The following MTHFD1L variants were observed in gnomAD, a reference collection of about 807,000 sequenced individuals.
The protein encoded by MTHFD1L is methylenetetrahydrofolate dehydrogenase (NADP+ dependent) 1 like.
In MTHFD1L, 81 loss-of-function variants were observed where a neutral mutation model predicts 119.5. The observed-to-expected ratio is 0.68, with a 90% CI of 0.57 to 0.82. The LOEUF (loss-of-function observed/expected upper bound fraction) is 0.82. Ranked by LOEUF, MTHFD1L falls within the 40% of genes least tolerant of loss-of-function variation. The pLI, the probability that MTHFD1L is intolerant of heterozygous loss-of-function variation, is 0.00. For synonymous variants in MTHFD1L, 430 were observed against 475.2 expected (o/e 0.90, Z 1.24); for missense variants, 1,125 against 1,253.4 (o/e 0.90, Z 1.55).
At chr6:150,928,520 C>T (rs1478136859) in intron 11 of MTHFD1L, among the ~76,000 whole-genome samples, 1 of 149,472 alleles carries the variant, frequency 6.7e-6, no homozygotes, top group Non-Finnish European at 1.5e-5. Context: ...TCCCACTTTC[C>T]TGTCCTCCTC....
intron 20 of MTHFD1L, among the ~76,000 whole-genome samples, chr6:150,978,432 C>A (rs1297285109): frequency 5.3e-5 from 8 of 152,206 alleles, no homozygotes; most frequent in Non-Finnish European, 1.0e-4. Context: ...GAGAATCACA[C>A]AGACCTGGCT....
intron 26 of MTHFD1L, among the ~76,000 whole-genome samples, chr6:151,071,533 C>T (rs1262758656): frequency 1.3e-5 from 2 of 151,922 alleles, no homozygotes; most frequent in Non-Finnish European, 2.9e-5. Flanking sequence ...CCAAGGTCAC[C>T]GAGAGGGCAG....
In MTHFD1L at chr6:151,062,218, C is replaced by T. The variant is rs540859182; in HGVS notation, c.2847+25101C>T. Among the ~76,000 whole-genome samples the T allele has an allele frequency of 2.6e-5, 4 of 152,290 alleles. No individual in the cohort carries two copies. In the East Asian group the frequency reaches 7.7e-4, roughly 29 times the overall value. ...TTGGAAGGCCGAGGCGAGCGGATCA[C>T]GAGGTCAGGAGATCGAGACCATTCT... On this transcript the variant is annotated intron_variant, in intron 26 of 27. Coordinates refer to ENST00000367321, the MANE Select transcript of MTHFD1L (RefSeq NM_015440.5).
chr6:150,933,232 A>G (rs1466640755), intron 11 of MTHFD1L, among the ~76,000 whole-genome samples: 1 of 152,112 alleles, frequency 6.6e-6, no homozygotes, highest in East Asian at 1.9e-4. Context: ...CAGCTATGCT[A>G]GCATATCCTT....
At chr6:151,014,658 G>A (rs1415804872) in intron 22 of MTHFD1L, among the ~76,000 whole-genome samples, 1 of 152,238 alleles carries the variant, frequency 6.6e-6, no homozygotes, top group African/African-American at 2.4e-5. Context: ...TCAGCAGGGT[G>A]AGCTGCCAGG....
At chr6:150,866,530 G>A (rs1463506275) in intron 1 of MTHFD1L, 1 of 1,273,660 alleles carries the variant, frequency 7.9e-7, no homozygotes, top group Non-Finnish European at 9.9e-7. Context: ...CGGGCCCAGC[G>A]CCGCCCGCGC....
intron 26 of MTHFD1L, among the ~76,000 whole-genome samples, chr6:151,047,917 C>T (rs1298484679): frequency 2.6e-5 from 4 of 152,120 alleles, no homozygotes; most frequent in Admixed American, 2.6e-4. Context: ...GGGGAGGCCT[C>T]AGGAAACTTA....
At chr6:151,098,436 G>A (rs781264245) in intron 27 of MTHFD1L, among the ~76,000 whole-genome samples, 139 of 152,226 alleles carry the variant, frequency 9.1e-4, no homozygotes, top group Non-Finnish European at 1.0e-3. Context: ...GAGAAAAGGG[G>A]CGCCAAGGCA....
At chr6:150,959,093 C>T in intron 17 of MTHFD1L, 1 of 735,854 alleles carries the variant, frequency 1.4e-6, no homozygotes, top group Non-Finnish European at 1.7e-6. Flanking sequence ...TGAAAGACCA[C>T]TTATGTTTGG....
intron 24 of MTHFD1L, among the ~76,000 whole-genome samples, chr6:151,023,121 A>G (rs553203428): frequency 5.4e-5 from 8 of 147,598 alleles, no homozygotes; most frequent in Non-Finnish European, 8.9e-5. Flanking sequence ...ATCTCGGCTC[A>G]CTGCAACCTC....
At chr6:151,095,675 G>C (rs1022635766) in intron 27 of MTHFD1L, among the ~76,000 whole-genome samples, 14 of 152,180 alleles carry the variant, frequency 9.2e-5, no homozygotes, top group African/African-American at 3.1e-4. Flanking sequence ...CCAATGTATC[G>C]GGCATTGTGC....
chr6:150,955,738 G>A (rs1011160031), intron 16 of MTHFD1L, among the ~76,000 whole-genome samples: 2 of 152,074 alleles, frequency 1.3e-5, no homozygotes, highest in African/African-American at 2.4e-5. Flanking sequence ...GACCTCAAAC[G>A]ATCCACCCAC....
intron 16 of MTHFD1L, among the ~76,000 whole-genome samples, chr6:150,949,682 G>A (rs1167921558): frequency 2.6e-5 from 4 of 152,032 alleles, no homozygotes; most frequent in Non-Finnish European, 5.9e-5. Flanking sequence ...CCACCACCTC[G>A]ACTTCCCTGC....
Position 150,964,995 on chromosome 6 carries a change from G to C in MTHFD1L, c.1971G>C (p.Leu657Phe), listed in dbSNP as rs1467098753. ...DLGVTGALTVLMKDAIKPNLM... is the reference protein window; with the variant it reads ...DLGVTGALTVFMKDAIKPNLM... ...GGGTGACAGGTGCTTTGACAGTTTTGATGAAAGATGCAATAAAACCAAACC... is the reference window on the plus strand; with the variant it reads ...GGGTGACAGGTGCTTTGACAGTTTTCATGAAAGATGCAATAAAACCAAACC... The change falls in exon 19 of 28, where the codon TTG becomes TTC. Residue 657 changes from leucine to phenylalanine, a missense_variant. Leu to Phe is a conservative substitution (Grantham distance 22). Coordinates refer to ENST00000367321, the MANE Select transcript of MTHFD1L (RefSeq NM_015440.5). 1 of 1,613,990 alleles carries C rather than the reference G, an allele frequency of 6.2e-7. No homozygotes were observed. The highest frequency in any genetic ancestry group is 1.7e-5 in the Admixed American group (1 of 60,010).
chr6:151,069,128 A>G (rs1388933533), intron 26 of MTHFD1L, among the ~76,000 whole-genome samples: 2 of 152,168 alleles, frequency 1.3e-5, no homozygotes, highest in Non-Finnish European at 2.9e-5. Flanking sequence ...GGCAAGAGGG[A>G]TGGAATGCAG....
At chr6:150,880,000 T>C (rs963855537) in intron 4 of MTHFD1L, among the ~76,000 whole-genome samples, 1 of 152,168 alleles carries the variant, frequency 6.6e-6, no homozygotes, top group Non-Finnish European at 1.5e-5. Context: ...ATTGTGCATG[T>C]GTGTGGGGTA....
Position 151,034,609 on chromosome 6 carries a change from T to C in MTHFD1L, c.2694+9T>C, listed in dbSNP as rs181297930. On this transcript the variant is annotated intron_variant, in intron 25 of 27. Coordinates refer to ENST00000367321, the MANE Select transcript of MTHFD1L (RefSeq NM_015440.5). ...ATCGTTACACTCAACAGGTAAAAGT[T>C]CTACTTTTAGGGGAAAAGAAAAAAT... 4.3e-5 allele frequency: 67 copies of C among 1,576,370 alleles called. No homozygotes were observed. The Middle Eastern group carries it at 9.2e-4, about 22-fold the overall frequency.
chr6:151,016,016 G>A (rs1228560365), intron 24 of MTHFD1L, among the ~76,000 whole-genome samples: 3 of 152,160 alleles, frequency 2.0e-5, no homozygotes, highest in Admixed American at 2.0e-4. Flanking sequence ...GAACCCAGGA[G>A]GTGGAGGCTG....
At chr6:151,029,487 C>G (rs1389166290) in intron 24 of MTHFD1L, among the ~76,000 whole-genome samples, 1 of 149,972 alleles carries the variant, frequency 6.7e-6, no homozygotes. Context: ...TCTTACAAAA[C>G]ATTTTCGTGT....
Sources: gnomAD v4.1 joint callset for allele counts (sites outside exome capture counted in the v4.1 genomes callset) on GRCh38, gnomAD v4.1.1 for gene constraint, MANE v1.5 for transcripts, NCBI Gene and HGNC (gene_info 2026-07-23, HGNC 2026-07-21) for gene names.